PDLIM3: variants seen among roughly 807,000 people sequenced by gnomAD.
PDLIM3 encodes the protein PDZ and LIM domain 3, also known as PDZ and LIM domain protein 3.
A neutral mutation model predicts 37.3 loss-of-function variants in PDLIM3; 36 were observed. That is an observed-to-expected ratio of 0.97 (90% CI 0.74 to 1.28). The LOEUF is 1.28. Among genes scored for constraint, PDLIM3 ranks in the 50% most tolerant of loss-of-function variants. The pLI is 0.00. For synonymous variants in PDLIM3, 174 were observed against 182.4 expected (o/e 0.95, Z 0.37); for missense variants, 454 against 485.0 (o/e 0.94, Z 0.60).
intron 6 of PDLIM3, among the ~76,000 whole-genome samples, chr4:185,505,188 T>A (rs774816784): frequency 6.6e-6 from 1 of 152,254 alleles, no homozygotes; most frequent in Non-Finnish European, 1.5e-5. Context: ...AGTTCATTCA[T>A]GGTGCGCCGT....
intron 4 of PDLIM3, chr4:185,513,893 TC>T (rs1440606075): frequency 8.5e-6 from 10 of 1,180,088 alleles, no homozygotes; most frequent in African/African-American, 1.6e-5. Flanking sequence ...GATTCCTTCC[TC>T]CTAACCGGGG....
In PDLIM3 at chr4:185,519,190, G is replaced by C. The variant is rs180962171; in HGVS notation, c.330+4172C>G. 6.6e-4 allele frequency among the ~76,000 whole-genome samples: 101 copies of C among 152,314 alleles called. 1 individual carries two copies. Among genetic ancestry groups the C allele is most frequent in the Middle Eastern group, 6.8e-3 (2 of 294 alleles). On this transcript the variant is annotated intron_variant, in intron 3 of 7. Coordinates refer to ENST00000284767, the MANE Select transcript of PDLIM3 (RefSeq NM_014476.6). ...GGCATTTATTCAGGTGCTGGGAGTT[G>C]ATCTAAACAACAACTAACGTGCCCT... is the stretch of plus-strand genomic sequence containing the variant.
intron 7 of PDLIM3, among the ~76,000 whole-genome samples, chr4:185,503,216 T>TCC (rs1402834533): frequency 8.3e-5 from 12 of 144,204 alleles, no homozygotes; most frequent in South Asian, 2.3e-4. Flanking sequence ...AGAGCGAGAC[T>TCC]GTCTCAAAAA....
At chr4:185,527,664 T>A (rs1374815816) in intron 1 of PDLIM3, among the ~76,000 whole-genome samples, 1 of 152,220 alleles carries the variant, frequency 6.6e-6, no homozygotes, top group Non-Finnish European at 1.5e-5. Context: ...CTTGTAAGGA[T>A]AAAAATAATC....
chr4:185,525,711 G>A (rs1285846534), intron 1 of PDLIM3, among the ~76,000 whole-genome samples: 21 of 152,116 alleles, frequency 1.4e-4, no homozygotes. Flanking sequence ...GGGTAATTAG[G>A]TCAGAAGTGA....
At chr4:185,519,074 G>C (rs1480413197) in intron 3 of PDLIM3, among the ~76,000 whole-genome samples, 1 of 152,146 alleles carries the variant, frequency 6.6e-6, no homozygotes, top group Non-Finnish European at 1.5e-5. Flanking sequence ...TCTTAGTCAA[G>C]AGCAACACTT....
In PDLIM3 at chr4:185,504,273, C is replaced by CT. The variant is rs1334187344; in HGVS notation, c.905+201dup. 6.6e-6 allele frequency among the ~76,000 whole-genome samples: 1 copy of CT among 151,832 alleles called. No homozygotes were observed. The highest frequency in any genetic ancestry group is 2.4e-5 in the African/African-American group (1 of 41,308). On this transcript the variant is annotated intron_variant, in intron 7 of 7. Transcript: ENST00000284767. This position sits in a 1 kb window ranked among gnomAD's most constrained non-coding sequence, Gnocchi z 4.7. ...TATCTGAAATTGTAAGTCAAAATTG[C>CT]TGACTCATGTGATGTGACAATTTGG...
In PDLIM3 at chr4:185,504,103, T is replaced by G. The variant is rs1290413549; in HGVS notation, c.905+372A>C. On this transcript the variant is annotated intron_variant, in intron 7 of 7. Transcript: ENST00000284767. This position sits in a 1 kb window ranked among gnomAD's most constrained non-coding sequence, Gnocchi z 4.7. ...TGTGTTTATACAGAGGAGGATACTA[T>G]GTATACTAAATGTATACACAGTTCA... Among the ~76,000 whole-genome samples the G allele has an allele frequency of 4.6e-5, 7 of 152,232 alleles. No individual in the cohort carries two copies. Among genetic ancestry groups the G allele is most frequent in the African/African-American group, 1.4e-4 (6 of 41,460 alleles).
At chr4:185,508,856 A>G (rs2095702332) in intron 4 of PDLIM3, among the ~76,000 whole-genome samples, 1 of 152,236 alleles carries the variant, frequency 6.6e-6, no homozygotes, top group African/African-American at 2.4e-5. Flanking sequence ...TACATGTAGA[A>G]AAGTTGTATA....
At chr4:185,533,677 A>T (rs2095748563) in intron 1 of PDLIM3, among the ~76,000 whole-genome samples, 1 of 152,196 alleles carries the variant, frequency 6.6e-6, no homozygotes, top group Non-Finnish European at 1.5e-5. Flanking sequence ...ATTATATCAA[A>T]TATATTTACC....
intron 1 of PDLIM3, among the ~76,000 whole-genome samples, chr4:185,531,752 G>A (rs2095744743): frequency 6.6e-6 from 1 of 152,096 alleles, no homozygotes; most frequent in African/African-American, 2.4e-5. Context: ...GTGGCTTTAA[G>A]TGTAGATATT....
In PDLIM3 at chr4:185,523,438, G is replaced by A. The variant is rs759700320; in HGVS notation, c.254C>T (p.Thr85Ile). 6.3e-7 allele frequency: 1 copy of A among 1,594,404 alleles called. No homozygotes were observed. Among genetic ancestry groups the A allele is most frequent in the Admixed American group, 1.7e-5 (1 of 59,890 alleles). ...AGATACTTGTGGAGACCATAAGTGA[G>A]TTTCTCCCCTGGAAATAAAATAAAA... is the stretch of plus-strand genomic sequence containing the variant. ...QLCLKIDRGE[T>I]HLWSPQVSED... The change falls in exon 3 of 8, where the codon ACT becomes ATT. Residue 85 changes from threonine (T) to isoleucine (I), a missense_variant. Thr to Ile is a moderately conservative substitution (Grantham distance 89, BLOSUM62 -1). Coordinates refer to ENST00000284767, the MANE Select transcript of PDLIM3 (RefSeq NM_014476.6).
chr4:185,523,493 T>G, intron 2 of PDLIM3, 47 bp from the exon 3 acceptor site: 1 of 1,194,922 alleles, frequency 8.4e-7, no homozygotes. Context: ...AATGGTACTT[T>G]CAGTTTTAGC....
chr4:185,506,913 A>G, intron 5 of PDLIM3: 3 of 424,214 alleles, frequency 7.1e-6, no homozygotes, highest in Non-Finnish European at 1.3e-5. Context: ...AGGAAACTAA[A>G]AGATAATTGT....
chr4:185,516,723 C>G (rs2095715633), intron 3 of PDLIM3: 1 of 152,210 alleles, frequency 6.6e-6, no homozygotes, highest in Non-Finnish European at 1.5e-5. Flanking sequence ...AAATCCTAGC[C>G]TAGGAGCCTT....
In PDLIM3 at chr4:185,521,745, A is replaced by T. The variant is rs576326731; in HGVS notation, c.330+1617T>A. On this transcript the variant is annotated intron_variant, in intron 3 of 7. Coordinates refer to ENST00000284767, the MANE Select transcript of PDLIM3 (RefSeq NM_014476.6). ...CAACAGCTGAGAGTGATGGCAGAAC[A>T]CCATTTTGAGAACTGGCTCCCAGGA... 1.4e-3 allele frequency among the ~76,000 whole-genome samples: 92 copies of T among 65,720 alleles called. 20 individuals carry two copies. The highest frequency in any genetic ancestry group is 2.5e-3 in the African/African-American group (90 of 36,268). 43.1% of individuals were successfully genotyped at this position (65,720 alleles called of 152,430 possible).
chr4:185,527,853 C>T (rs570170705), intron 1 of PDLIM3, among the ~76,000 whole-genome samples: 3 of 152,146 alleles, frequency 2.0e-5, no homozygotes, highest in Admixed American at 2.0e-4. Flanking sequence ...AGTTTGAGAC[C>T]AGCCTGGGCA....
In PDLIM3 at chr4:185,519,055, T is replaced by A. The variant is rs554494262; in HGVS notation, c.330+4307A>T. Among the ~76,000 whole-genome samples the A allele has an allele frequency of 6.6e-5, 10 of 152,270 alleles. No individual in the cohort carries two copies. In the East Asian group the frequency reaches 1.5e-3, roughly 24 times the overall value. On this transcript the variant is annotated intron_variant, in intron 3 of 7. Coordinates refer to ENST00000284767, the MANE Select transcript of PDLIM3 (RefSeq NM_014476.6). ...CTTTGAAAAAGGACAAAGAGCTTCA[T>A]TAACATACTCTTAGTCAAGAGCAAC... is the stretch of plus-strand genomic sequence containing the variant.
chr4:185,525,932 C>T (rs955664183), intron 1 of PDLIM3, among the ~76,000 whole-genome samples: 1 of 152,210 alleles, frequency 6.6e-6, no homozygotes, highest in African/African-American at 2.4e-5. Context: ...ACTTATAAGC[C>T]ACCCAGTCTA....
Sources: gnomAD v4.1 joint callset for allele counts (sites outside exome capture counted in the v4.1 genomes callset) on GRCh38, gnomAD v4.1.1 for gene constraint, Gnocchi (gnomAD v3.1) non-coding constraint, MANE v1.5 for transcripts, NCBI Gene and HGNC (gene_info 2026-07-23, HGNC 2026-07-21) for gene names.